The following PDE3A variants were observed in gnomAD, a reference collection of about 807,000 sequenced individuals.
The protein encoded by PDE3A is phosphodiesterase 3A.
Under a neutral mutation model 98.3 loss-of-function variants are expected in PDE3A, and 43 were observed. The observed-to-expected ratio is 0.44, with a 90% CI of 0.34 to 0.56. The LOEUF is 0.56. Among genes scored for constraint, PDE3A ranks in the 20% least tolerant of loss-of-function variants. PDE3A has a pLI of 0.01. For missense variants in PDE3A, 1,427 were observed against 1,440.7 expected (o/e 0.99, Z 0.15); for synonymous variants, 663 against 567.9 (o/e 1.17, Z -2.38).
At chr12:20,677,336 A>C (rs1189228294) in intron 15 of PDE3A, among the ~76,000 whole-genome samples, 1 of 152,004 alleles carries the variant, frequency 6.6e-6, no homozygotes, top group Non-Finnish European at 1.5e-5. Flanking sequence ...ATTCATTGGA[A>C]TCTGTTGCTG....
intron 2 of PDE3A, among the ~76,000 whole-genome samples, chr12:20,610,469 A>C (rs764835605): frequency 6.6e-6 from 1 of 152,012 alleles, no homozygotes; most frequent in Non-Finnish European, 1.5e-5. Flanking sequence ...TGGTACAGCC[A>C]TTATAGAAAA....
rs964045967 is a variant in PDE3A at position 20,686,578 on chromosome 12, T to C, written c.*6307T>C. On this transcript the variant is annotated 3_prime_UTR_variant, in exon 16 of 16. Coordinates refer to ENST00000359062, the MANE Select transcript of PDE3A (RefSeq NM_000921.5). ...TTAATGGTTTAATATTTCCGTGTCA[T>C]TGAAAGTTCCTATTTCAAATTAAAC... Among the ~76,000 whole-genome samples the C allele has an allele frequency of 6.6e-6, 1 of 152,170 alleles. No homozygotes were observed. The highest frequency in any genetic ancestry group is 1.5e-5 in the Non-Finnish European group (1 of 68,016).
intron 1 of PDE3A, among the ~76,000 whole-genome samples, chr12:20,451,396 C>A (rs1945062046): frequency 6.6e-6 from 1 of 152,182 alleles, no homozygotes; most frequent in South Asian, 2.1e-4. Flanking sequence ...GCCTCAGCCT[C>A]CCAAGTAGCT....
intron 1 of PDE3A, among the ~76,000 whole-genome samples, chr12:20,542,749 A>AT (rs919606437): frequency 6.6e-6 from 1 of 151,894 alleles, no homozygotes; most frequent in Admixed American, 6.6e-5. Flanking sequence ...AGGATTTCCA[A>AT]TTTTTTCTAA....
chr12:20,508,490 A>G (rs989882924), intron 1 of PDE3A, among the ~76,000 whole-genome samples: 4 of 151,864 alleles, frequency 2.6e-5, no homozygotes, highest in Admixed American at 2.6e-4. Context: ...TAGTTGCTCA[A>G]TGAATATTTG....
chr12:20,643,484 T>G (rs1944693094), intron 10 of PDE3A, among the ~76,000 whole-genome samples: 1 of 152,216 alleles, frequency 6.6e-6, no homozygotes, highest in South Asian at 2.1e-4. Context: ...ATTTGATTAA[T>G]AAACATGTCA....
Position 20,633,737 on chromosome 12 carries a change from T to C in PDE3A, c.1805T>C (p.Leu602Pro). The change falls in exon 7 of 16, where the codon CTG becomes CCG. Residue 602 changes from leucine (L) to proline (P), a missense_variant. Physicochemically the swap from Leu to Pro is moderately conservative, Grantham distance 98 (BLOSUM62 -3). Transcript: ENST00000359062. Reference sequence around the variant, plus strand: ...CAAGGGAATCCTGCTGATGAGCCCCTGGAGAGAAGTGGGGTAGCCACTCGG... The same window carrying C: ...CAAGGGAATCCTGCTGATGAGCCCCCGGAGAGAAGTGGGGTAGCCACTCGG... The part of the protein sequence containing the change: ...YSQGNPADEP[L>P]ERSGVATRTP... The C allele has an allele frequency of 6.2e-7, 1 of 1,610,890 alleles. No homozygotes were observed. Among genetic ancestry groups the C allele is most frequent in the Non-Finnish European group, 8.5e-7 (1 of 1,178,200 alleles).
intron 1 of PDE3A, among the ~76,000 whole-genome samples, chr12:20,449,017 A>G (rs10841534): frequency 0.32 from 48,766 of 152,136 alleles, 9,475 homozygotes; most frequent in East Asian, 0.66. Flanking sequence ...TAACATATGC[A>G]TTTATCACCT....
intron 15 of PDE3A, among the ~76,000 whole-genome samples, chr12:20,676,561 G>T (rs1022699603): frequency 3.4e-5 from 5 of 145,382 alleles, no homozygotes; most frequent in African/African-American, 1.3e-4. Context: ...GTGCAGTGGC[G>T]TGATCTCAGC....
At chr12:20,483,104 A>G (rs1945660381) in intron 1 of PDE3A, among the ~76,000 whole-genome samples, 1 of 151,928 alleles carries the variant, frequency 6.6e-6, no homozygotes, top group Non-Finnish European at 1.5e-5. Context: ...AAAACTTCTA[A>G]AAGAGGCCTT....
At chr12:20,593,227 G>A (rs1020380771) in intron 2 of PDE3A, among the ~76,000 whole-genome samples, 1 of 152,172 alleles carries the variant, frequency 6.6e-6, no homozygotes, top group Non-Finnish European at 1.5e-5. Context: ...ATAAACCAAA[G>A]CATAGGGTTG....
chr12:20,482,812 T>C (rs1339189926), intron 1 of PDE3A, among the ~76,000 whole-genome samples: 1 of 152,222 alleles, frequency 6.6e-6, no homozygotes, highest in Non-Finnish European at 1.5e-5. Flanking sequence ...TTTAAATGGA[T>C]GCAGCTGTAC....
chr12:20,421,700 C>T (rs1373462351), intron 1 of PDE3A, among the ~76,000 whole-genome samples: 2 of 151,898 alleles, frequency 1.3e-5, no homozygotes, highest in Admixed American at 1.3e-4. Context: ...TGAAATGAGC[C>T]CTGGTTTTGT....
chr12:20,585,374 A>G (rs1943167225), intron 2 of PDE3A, among the ~76,000 whole-genome samples: 2 of 152,144 alleles, frequency 1.3e-5, no homozygotes, highest in Non-Finnish European at 2.9e-5. Flanking sequence ...CTAAGCATTT[A>G]TTCTTGGAAT....
chr12:20,469,701 G>A (rs999576992), intron 1 of PDE3A, among the ~76,000 whole-genome samples: 3 of 152,120 alleles, frequency 2.0e-5, no homozygotes, highest in African/African-American at 7.2e-5. Flanking sequence ...ATTGCATACT[G>A]TCTAGAGTAA....
chr12:20,561,834 T>C (rs1271767914), intron 2 of PDE3A, among the ~76,000 whole-genome samples: 2 of 152,232 alleles, frequency 1.3e-5, no homozygotes, highest in Non-Finnish European at 2.9e-5. Flanking sequence ...TTCTAGCAAA[T>C]TCCAACCCTT....
At chr12:20,503,610 A>G (rs982651004) in intron 1 of PDE3A, among the ~76,000 whole-genome samples, 2 of 152,030 alleles carry the variant, frequency 1.3e-5, no homozygotes, top group African/African-American at 4.8e-5. Flanking sequence ...ATCTAATTTG[A>G]ATTTCTATTT....
intron 2 of PDE3A, among the ~76,000 whole-genome samples, chr12:20,578,809 A>G (rs1565436551): frequency 6.6e-6 from 1 of 152,254 alleles, no homozygotes; most frequent in Non-Finnish European, 1.5e-5. Flanking sequence ...GAGCATTGGA[A>G]AGGATGCCGT....
intron 15 of PDE3A, among the ~76,000 whole-genome samples, chr12:20,671,457 A>G (rs1185267330): frequency 7.0e-6 from 1 of 143,394 alleles, no homozygotes. Context: ...TCAATAAAAT[A>G]CTGGCAAACT....
Sources: gnomAD v4.1 joint callset for allele counts (sites outside exome capture counted in the v4.1 genomes callset) on GRCh38, gnomAD v4.1.1 for gene constraint, MANE v1.5 for transcripts, NCBI Gene and HGNC (gene_info 2026-07-23, HGNC 2026-07-21) for gene names.